FSTL5: variants seen among roughly 807,000 people sequenced by gnomAD.
FSTL5 encodes the protein follistatin like 5, also known as follistatin-related protein 5.
FSTL5 carries 62 observed loss-of-function variants against 89.1 expected under a neutral mutation model. The ratio of observed to expected loss-of-function variants is 0.70; its 90% confidence interval spans 0.57 to 0.86. FSTL5 has a LOEUF of 0.86. FSTL5 is among the 40% of genes least tolerant of loss of function. FSTL5 has a pLI of 0.00. For synonymous variants in FSTL5, 383 were observed against 346.2 expected, an observed-to-expected ratio of 1.11 and a Z score of -1.18; for missense variants, 1,057 against 1,001.6, an observed-to-expected ratio of 1.06 and a Z score of -0.75.
intron 8 of FSTL5, among the ~76,000 whole-genome samples, chr4:161,586,941 G>A (rs1301737935): frequency 2.0e-5 from 3 of 152,130 alleles, no homozygotes; most frequent in Non-Finnish European, 4.4e-5. Context: ...CTGTATTAAT[G>A]CTAGTAAATA....
intron 2 of FSTL5, among the ~76,000 whole-genome samples, chr4:162,068,994 A>T (rs1333492659): frequency 6.6e-6 from 1 of 152,096 alleles, no homozygotes. Flanking sequence ...CCACAATGAG[A>T]TATCATCTCA....
chr4:161,390,644 A>G (rs866095345), intron 15 of FSTL5, among the ~76,000 whole-genome samples: 1 of 152,120 alleles, frequency 6.6e-6, no homozygotes, highest in African/African-American at 2.4e-5. Flanking sequence ...CTGAGATGCT[A>G]CTGAAGAAAT....
rs772522953 is a variant in FSTL5, at chr4:161,759,399, T to A, written c.727+12A>T. On this transcript the variant is annotated intron_variant, in intron 6 of 15. Coordinates refer to ENST00000306100, the MANE Select transcript of FSTL5 (RefSeq NM_020116.5). Reference sequence around the variant, plus strand: ...GAACAAAGGGAAATTGGAGAATGAATCTTGTACTCACGGAATGCTCTATAA... The same window carrying A: ...GAACAAAGGGAAATTGGAGAATGAAACTTGTACTCACGGAATGCTCTATAA... 1 of 1,575,204 alleles carries A rather than the reference T, an allele frequency of 6.3e-7. No homozygotes were observed. The highest frequency in any genetic ancestry group is 1.4e-5 in the African/African-American group (1 of 72,498).
intron 6 of FSTL5, among the ~76,000 whole-genome samples, chr4:161,732,366 G>A (rs1347517901): frequency 4.6e-5 from 7 of 151,884 alleles, no homozygotes; most frequent in Non-Finnish European, 7.4e-5. Context: ...GTTATTGGGT[G>A]GAAGAATTCT....
intron 3 of FSTL5, among the ~76,000 whole-genome samples, chr4:161,986,236 A>G (rs1735959826): frequency 6.6e-6 from 1 of 152,144 alleles, no homozygotes; most frequent in Non-Finnish European, 1.5e-5. Context: ...TATATAGCAA[A>G]TAATATATAT....
At chr4:161,779,779 A>AG (rs1475382873) in intron 4 of FSTL5, among the ~76,000 whole-genome samples, 3,913 of 57,414 alleles carry the variant, frequency 0.068, 416 homozygotes, top group Non-Finnish European at 0.077. Context: ...ATATATGTAT[A>AG]TATATATATA....
intron 15 of FSTL5, among the ~76,000 whole-genome samples, chr4:161,390,598 G>A (rs1291315592): frequency 2.0e-5 from 3 of 151,862 alleles, no homozygotes; most frequent in African/African-American, 4.8e-5. Flanking sequence ...CACTTGCCAC[G>A]TTACAATGCT....
intron 4 of FSTL5, among the ~76,000 whole-genome samples, chr4:161,897,056 A>C (rs1733181442): frequency 6.6e-6 from 1 of 151,978 alleles, no homozygotes. Context: ...CTCCTGTCTC[A>C]GCCTCCCAAG....
At chr4:161,818,189 C>A (rs545861520) in intron 4 of FSTL5, among the ~76,000 whole-genome samples, 1 of 152,252 alleles carries the variant, frequency 6.6e-6, no homozygotes, top group Non-Finnish European at 1.5e-5. Flanking sequence ...GGCCACCCCA[C>A]CAGTAGAAGC....
intron 4 of FSTL5, among the ~76,000 whole-genome samples, chr4:161,783,969 T>C (rs1482568636): frequency 6.6e-6 from 1 of 150,522 alleles, no homozygotes; most frequent in Non-Finnish European, 1.5e-5. Context: ...GATGTCTCAC[T>C]CTGTCGCCCA....
chr4:161,786,061 T>C (rs185561801), intron 4 of FSTL5, among the ~76,000 whole-genome samples: 1 of 152,216 alleles, frequency 6.6e-6, no homozygotes, highest in East Asian at 1.9e-4. Context: ...CAAGAGATAA[T>C]ACATTTATGA....
intron 3 of FSTL5, among the ~76,000 whole-genome samples, chr4:161,960,942 T>C (rs1735157902): frequency 6.6e-6 from 1 of 152,104 alleles, no homozygotes; most frequent in African/African-American, 2.4e-5. Flanking sequence ...TGTAAGTGAA[T>C]ATGAAAACTT....
At chr4:162,036,439 A>G (rs375520695) in intron 2 of FSTL5, among the ~76,000 whole-genome samples, 2 of 152,002 alleles carry the variant, frequency 1.3e-5, no homozygotes, top group African/African-American at 4.8e-5. Context: ...TGACTTTGAA[A>G]TTACTTTGAC....
chr4:161,833,667 GT>G (rs1178946993), intron 4 of FSTL5, among the ~76,000 whole-genome samples: 11 of 151,804 alleles, frequency 7.2e-5, no homozygotes, highest in Admixed American at 7.2e-4. Context: ...ATCTTTGTTG[GT>G]TTAAAGTCTG....
chr4:161,457,689 C>T (rs1190161591), intron 14 of FSTL5, among the ~76,000 whole-genome samples: 1 of 151,786 alleles, frequency 6.6e-6, no homozygotes, highest in Non-Finnish European at 1.5e-5. Flanking sequence ...TTATACTAAT[C>T]TTAAAGTTAA....
chr4:162,132,856 T>G (rs758305891), intron 1 of FSTL5, among the ~76,000 whole-genome samples: 7 of 152,238 alleles, frequency 4.6e-5, no homozygotes, highest in Non-Finnish European at 1.0e-4. Flanking sequence ...CACATGGTAT[T>G]AGGTGATTAT....
chr4:161,929,681 G>GTT (rs1553983438), intron 3 of FSTL5, among the ~76,000 whole-genome samples: 1 of 115,448 alleles, frequency 8.7e-6, no homozygotes, highest in African/African-American at 3.2e-5. Flanking sequence ...GTGTGTGTGT[G>GTT]TGTGTGTGTG....
At chr4:161,688,495 G>A (rs1737817838) in intron 6 of FSTL5, among the ~76,000 whole-genome samples, 1 of 152,122 alleles carries the variant, frequency 6.6e-6, no homozygotes, top group African/African-American at 2.4e-5. Context: ...CACATTTTGT[G>A]GGTCAGAGCC....
At chr4:162,010,523 C>G (rs901500723) in intron 3 of FSTL5, among the ~76,000 whole-genome samples, 2 of 152,280 alleles carry the variant, frequency 1.3e-5, no homozygotes, top group African/African-American at 4.8e-5. Context: ...ACAACCATCA[C>G]CACAATCTGA....
Sources: gnomAD v4.1 joint callset for allele counts (sites outside exome capture counted in the v4.1 genomes callset) on GRCh38, gnomAD v4.1.1 for gene constraint, MANE v1.5 for transcripts, NCBI Gene and HGNC (gene_info 2026-07-23, HGNC 2026-07-21) for gene names.